TCF7L1: variants seen among roughly 807,000 people sequenced by gnomAD.
TCF7L1 encodes the protein transcription factor 7-like 1.
Under a neutral mutation model 63.7 loss-of-function variants are expected in TCF7L1, and 18 were observed. The observed-to-expected ratio is 0.28, with a 90% confidence interval of 0.20 to 0.42. TCF7L1 has a LOEUF of 0.42. Among genes scored for constraint, TCF7L1 ranks in the 10% least tolerant of loss-of-function variants. TCF7L1 has a pLI of 1.00. For synonymous variants in TCF7L1, 355 were observed against 340.9 expected (o/e 1.04, Z -0.46); for missense variants, 654 against 779.3 (o/e 0.84, Z 1.91).
chr2:85,273,298 A>C, intron 3 of TCF7L1, among the ~76,000 whole-genome samples: 1 of 152,154 alleles, frequency 6.6e-6, no homozygotes. Flanking sequence ...CCTGTGTTTC[A>C]CCTGCAGTGA....
At chr2:85,147,212 C>T (rs1677899789) in intron 3 of TCF7L1, among the ~76,000 whole-genome samples, 1 of 152,230 alleles carries the variant, frequency 6.6e-6, no homozygotes, top group Non-Finnish European at 1.5e-5. Context: ...ACCCTGCAGT[C>T]TGCCTAGGCC....
intron 3 of TCF7L1, among the ~76,000 whole-genome samples, chr2:85,281,031 T>C (rs1416076729): frequency 2.0e-5 from 3 of 150,470 alleles, no homozygotes; most frequent in African/African-American, 4.9e-5. Flanking sequence ...TTTTTTTTTT[T>C]TTTTTTTTTT....
At chr2:85,228,240 C>A (rs184342065) in intron 3 of TCF7L1, among the ~76,000 whole-genome samples, 1 of 151,748 alleles carries the variant, frequency 6.6e-6, no homozygotes, top group Non-Finnish European at 1.5e-5. Flanking sequence ...GGCAACATAG[C>A]GAGACCCAGT....
At position 85,133,720 on chromosome 2, in the gene TCF7L1, C is replaced by T. The variant is rs1439951041; in HGVS notation, c.36C>T (p.Gly12=). The change falls in exon 1 of 12, where the codon GGC becomes GGT. Residue 12 remains glycine (G), a synonymous_variant. Transcript: ENST00000282111. This position sits in a 1 kb window ranked among gnomAD's most constrained non-coding sequence, Gnocchi z 4.4. ...PQLGGGGGGG[G]GGSGGGGGSS... ...TCGGCGGCGGGGGCGGCGGCGGCGG[C>T]GGCGGCAGCGGGGGAGGCGGCGGCT... is the stretch of plus-strand genomic sequence containing the variant. The T allele has an allele frequency of 1.0e-5, 12 of 1,161,608 alleles. No individual in the cohort carries two copies. Among genetic ancestry groups the T allele is most frequent in the Non-Finnish European group, 1.2e-5 (11 of 943,770 alleles). The allele number at this position is 1,161,608 out of a possible 1,614,324, so 72.0% of individuals were successfully genotyped here. A position where few individuals can be genotyped will look rare whatever the true frequency, so the allele number is the denominator to read the frequency against.
intron 11 of TCF7L1, 127 bp downstream of exon 11, chr2:85,307,844 C>A: frequency 3.7e-6 from 3 of 800,158 alleles, no homozygotes; most frequent in Non-Finnish European, 6.1e-6. Context: ...GGTATTATTA[C>A]CCCTTTCTCG....
chr2:85,215,533 A>G (rs937809130), intron 3 of TCF7L1, among the ~76,000 whole-genome samples: 1 of 151,970 alleles, frequency 6.6e-6, no homozygotes. Context: ...CAGAGCGGGA[A>G]CATGGTCGAG....
In TCF7L1 at chr2:85,149,817, G is replaced by A. The variant is rs142535507; in HGVS notation, c.441+15367G>A. Among the ~76,000 whole-genome samples, 1,381 of 152,290 alleles carry A rather than the reference G, an allele frequency of 9.1e-3. 11 individuals carry two copies. Among genetic ancestry groups the A allele is most frequent in the Non-Finnish European group, 0.016 (1,058 of 68,034 alleles). On this transcript the variant is annotated intron_variant, in intron 3 of 11. Transcript: ENST00000282111. ...TGGGATTACAGGCGTGAGCCACCGC[G>A]CCCGGCTCTGTAACTTTTTTCTGAG...
intron 4 of TCF7L1, among the ~76,000 whole-genome samples, chr2:85,288,306 A>T (rs968807124): frequency 6.6e-6 from 1 of 152,166 alleles, no homozygotes; most frequent in Non-Finnish European, 1.5e-5. Flanking sequence ...TAAGCTCCCC[A>T]GGAGATTCCA....
At chr2:85,226,807 T>TC (rs1314632372) in intron 3 of TCF7L1, among the ~76,000 whole-genome samples, 2 of 142,326 alleles carry the variant, frequency 1.4e-5, no homozygotes, top group East Asian at 2.0e-4. Context: ...TCTGTTTATC[T>TC]CCCCCCGCCT....
At chr2:85,293,804 C>T (rs1189364887) in intron 4 of TCF7L1, among the ~76,000 whole-genome samples, 1 of 152,124 alleles carries the variant, frequency 6.6e-6, no homozygotes, top group Non-Finnish European at 1.5e-5. Context: ...AGTTTAGCAT[C>T]TTCAGTAGGA....
chr2:85,272,779 G>A (rs1681180892), intron 3 of TCF7L1, among the ~76,000 whole-genome samples: 1 of 151,910 alleles, frequency 6.6e-6, no homozygotes. Flanking sequence ...TGGCTGACAG[G>A]GCAAGACCCT....
At chr2:85,279,151 A>G (rs1357732225) in intron 3 of TCF7L1, among the ~76,000 whole-genome samples, 3 of 152,188 alleles carry the variant, frequency 2.0e-5, no homozygotes, top group African/African-American at 4.8e-5. Context: ...CCCACATACC[A>G]TTACCATGCA....
intron 3 of TCF7L1, among the ~76,000 whole-genome samples, chr2:85,180,124 C>T (rs1169437314): frequency 2.0e-5 from 3 of 149,900 alleles, no homozygotes. Flanking sequence ...GGGAGAGGGC[C>T]GAGAAGATCT....
At chr2:85,204,230 T>C (rs1354172746) in intron 3 of TCF7L1, among the ~76,000 whole-genome samples, 3 of 151,434 alleles carry the variant, frequency 2.0e-5, no homozygotes, top group African/African-American at 7.3e-5. Context: ...AACTACTATG[T>C]ATTATTTTGT....
chr2:85,282,593 A>G (rs1311649571), intron 3 of TCF7L1, among the ~76,000 whole-genome samples: 4 of 152,198 alleles, frequency 2.6e-5, no homozygotes, highest in African/African-American at 7.2e-5. Flanking sequence ...TGCCTTACAG[A>G]TGCTGAAACT....
At chr2:85,243,886 G>A (rs1344113756) in intron 3 of TCF7L1, among the ~76,000 whole-genome samples, 1 of 152,212 alleles carries the variant, frequency 6.6e-6, no homozygotes, top group Admixed American at 6.5e-5. Flanking sequence ...ACCCCCTGGG[G>A]GTGGGAGATG....
chr2:85,231,662 C>T (rs768121467), intron 3 of TCF7L1, among the ~76,000 whole-genome samples: 10 of 152,106 alleles, frequency 6.6e-5, no homozygotes, highest in African/African-American at 1.9e-4. Flanking sequence ...TTCGTTTTTC[C>T]GGCACCCATG....
intron 3 of TCF7L1, among the ~76,000 whole-genome samples, chr2:85,145,795 A>G (rs1677867354): frequency 6.6e-6 from 1 of 152,264 alleles, no homozygotes; most frequent in African/African-American, 2.4e-5. Context: ...CACTCAGGGA[A>G]GTACACAGCC....
At chr2:85,256,098 G>C (rs1680710413) in intron 3 of TCF7L1, among the ~76,000 whole-genome samples, 1 of 152,250 alleles carries the variant, frequency 6.6e-6, no homozygotes, top group South Asian at 2.1e-4. Context: ...TGGCTCAGGA[G>C]GGGAGGAGGG....
Sources: gnomAD v4.1 joint callset for allele counts (sites outside exome capture counted in the v4.1 genomes callset) on GRCh38, gnomAD v4.1.1 for gene constraint, Gnocchi (gnomAD v3.1) non-coding constraint, MANE v1.5 for transcripts, NCBI Gene and HGNC (gene_info 2026-07-23, HGNC 2026-07-21) for gene names.